SPAG16: variants seen among roughly 807,000 people sequenced by gnomAD.
SPAG16 encodes the protein sperm-associated antigen 16 protein.
SPAG16 carries 86 observed loss-of-function variants against 80.4 expected under a neutral mutation model. That is an observed-to-expected ratio of 1.07 (90% CI 0.90 to 1.28). The LOEUF (loss-of-function observed/expected upper bound fraction) is 1.28, where lower values mean the gene tolerates loss of function less well. Ranked by LOEUF, SPAG16 falls within the 50% of genes most tolerant of loss-of-function variation. SPAG16 has a pLI of 0.00. For synonymous variants in SPAG16, 294 were observed against 265.9 expected (o/e 1.11, Z -1.03); for missense variants, 870 against 765.3 (o/e 1.14, Z -1.61).
intron 10 of SPAG16, among the ~76,000 whole-genome samples, chr2:213,540,772 C>T (rs913840167): frequency 6.6e-6 from 1 of 152,184 alleles, no homozygotes; most frequent in Non-Finnish European, 1.5e-5. Context: ...AATGCTGTGA[C>T]TTAAAAAATG....
chr2:213,819,952 T>G (rs2072835236), intron 10 of SPAG16, among the ~76,000 whole-genome samples: 2 of 151,194 alleles, frequency 1.3e-5, no homozygotes, highest in African/African-American at 4.8e-5. Context: ...TTTTTTTTTT[T>G]TTTTTTAGTA....
chr2:214,131,265 G>A (rs2054755945), intron 14 of SPAG16, among the ~76,000 whole-genome samples: 1 of 151,860 alleles, frequency 6.6e-6, no homozygotes, highest in Non-Finnish European at 1.5e-5. Context: ...GTTGCTTCGG[G>A]AAGTTGAAGT....
At chr2:214,250,998 T>C (rs1347162061) in intron 15 of SPAG16, among the ~76,000 whole-genome samples, 1 of 151,716 alleles carries the variant, frequency 6.6e-6, no homozygotes, top group Non-Finnish European at 1.5e-5. Flanking sequence ...AAGTCTTTTT[T>C]TCTATCTAAT....
At chr2:214,086,978 C>G (rs1168678726) in intron 13 of SPAG16, among the ~76,000 whole-genome samples, 1 of 152,086 alleles carries the variant, frequency 6.6e-6, no homozygotes, top group African/African-American at 2.4e-5. Flanking sequence ...TAGTTACTAC[C>G]AGATTCAAAG....
At chr2:213,851,680 T>C (rs1388282057) in intron 10 of SPAG16, among the ~76,000 whole-genome samples, 5 of 152,208 alleles carry the variant, frequency 3.3e-5, no homozygotes, top group Admixed American at 2.6e-4. Flanking sequence ...ACCTTGCCAA[T>C]GATTGGGATT....
At chr2:213,540,955 G>A (rs549625430) in intron 10 of SPAG16, among the ~76,000 whole-genome samples, 60 of 152,368 alleles carry the variant, frequency 3.9e-4, no homozygotes, top group African/African-American at 1.2e-3. Context: ...GTGTATGTGC[G>A]CGTGCATGTG....
At chr2:214,086,153 T>C (rs2051732113) in intron 13 of SPAG16, among the ~76,000 whole-genome samples, 1 of 152,216 alleles carries the variant, frequency 6.6e-6, no homozygotes, top group Non-Finnish European at 1.5e-5. Context: ...CGTAAACTTC[T>C]GACAGTGACA....
At chr2:213,722,707 G>C (rs555970734) in intron 10 of SPAG16, among the ~76,000 whole-genome samples, 15 of 152,210 alleles carry the variant, frequency 9.9e-5, no homozygotes, top group African/African-American at 3.6e-4. Flanking sequence ...AGACAGATAT[G>C]ACAATATTGG....
At chr2:214,127,754 C>G (rs550310557) in intron 14 of SPAG16, among the ~76,000 whole-genome samples, 3 of 152,024 alleles carry the variant, frequency 2.0e-5, no homozygotes, top group East Asian at 3.9e-4. Flanking sequence ...CACACACCCT[C>G]ACCCGGCACT....
At chr2:213,941,424 A>G (rs2079192516) in intron 12 of SPAG16, among the ~76,000 whole-genome samples, 1 of 152,098 alleles carries the variant, frequency 6.6e-6, no homozygotes, top group African/African-American at 2.4e-5. Flanking sequence ...TTTTGCATAC[A>G]TATATATTAA....
At chr2:214,348,474 T>C (rs925177326) in intron 15 of SPAG16, among the ~76,000 whole-genome samples, 3 of 152,232 alleles carry the variant, frequency 2.0e-5, no homozygotes, top group Non-Finnish European at 2.9e-5. Context: ...AGAGTATGAT[T>C]AGAAGAAATT....
chr2:214,114,743 C>T (rs1398651667), intron 14 of SPAG16, among the ~76,000 whole-genome samples: 1 of 152,220 alleles, frequency 6.6e-6, no homozygotes, highest in Non-Finnish European at 1.5e-5. Flanking sequence ...AGGGAAATCC[C>T]CCAAACCCTT....
intron 9 of SPAG16, among the ~76,000 whole-genome samples, chr2:213,424,344 T>C (rs964496034): frequency 1.6e-4 from 24 of 152,244 alleles, no homozygotes; most frequent in African/African-American, 5.3e-4. Context: ...CAAGAATATG[T>C]CTTTTTACCA....
At chr2:214,354,555 TG>T (rs1401399439) in intron 15 of SPAG16, among the ~76,000 whole-genome samples, 1 of 152,206 alleles carries the variant, frequency 6.6e-6, no homozygotes, top group African/African-American at 2.4e-5. Context: ...GGTAGCTTGA[TG>T]GGGATGGCAT....
rs1439465183 is a variant in SPAG16, at chr2:214,198,326, A to G, written c.1720+49060A>G. Among the ~76,000 whole-genome samples, 4 of 152,026 alleles carry G rather than the reference A, an allele frequency of 2.6e-5. No homozygotes were observed. The East Asian group carries it at 7.7e-4, about 29-fold the overall frequency. On this transcript the variant is annotated intron_variant, in intron 15 of 15. Transcript: ENST00000331683. ...TTTGCATACTCATAGTTTAGCTTTCACTTACAAGTGAGATTATACAAAATT... is the reference window on the plus strand; with the variant it reads ...TTTGCATACTCATAGTTTAGCTTTCGCTTACAAGTGAGATTATACAAAATT...
intron 11 of SPAG16, among the ~76,000 whole-genome samples, chr2:213,904,777 C>G (rs1039300856): frequency 2.6e-5 from 4 of 151,838 alleles, no homozygotes; most frequent in African/African-American, 9.7e-5. Context: ...ATAGCAAGAG[C>G]AAGTCCTTAT....
At chr2:213,445,876 G>A (rs2071277027) in intron 9 of SPAG16, among the ~76,000 whole-genome samples, 1 of 152,184 alleles carries the variant, frequency 6.6e-6, no homozygotes, top group Non-Finnish European at 1.5e-5. Flanking sequence ...CAGCTACTAT[G>A]TGAAACAGTA....
chr2:213,428,481 C>T (rs2125469007), intron 9 of SPAG16, among the ~76,000 whole-genome samples: 1 of 152,276 alleles, frequency 6.6e-6, no homozygotes, highest in Middle Eastern at 3.4e-3. Flanking sequence ...GATCTAGCAG[C>T]AGTGGCAGAC....
intron 5 of SPAG16, among the ~76,000 whole-genome samples, chr2:213,328,177 A>G (rs189559085): frequency 6.6e-6 from 1 of 152,314 alleles, no homozygotes; most frequent in Non-Finnish European, 1.5e-5. Flanking sequence ...TGGTTCTAAA[A>G]CAAATATAGT....
Sources: gnomAD v4.1 joint callset for allele counts (sites outside exome capture counted in the v4.1 genomes callset) on GRCh38, gnomAD v4.1.1 for gene constraint, MANE v1.5 for transcripts, NCBI Gene and HGNC (gene_info 2026-07-23, HGNC 2026-07-21) for gene names.